The following SORCS1 variants were observed in gnomAD, a reference collection of about 807,000 sequenced individuals.
SORCS1 encodes the protein sortilin related VPS10 domain containing receptor 1, also known as VPS10 domain-containing receptor SorCS1.
A neutral mutation model predicts 146.1 loss-of-function variants in SORCS1; 60 were observed. That is an observed-to-expected ratio of 0.41 (90% CI 0.33 to 0.51). The LOEUF (loss-of-function observed/expected upper bound fraction) is 0.51. SORCS1 is among the 20% of genes least tolerant of loss of function. The pLI is 0.21. For missense variants in SORCS1, 1,352 were observed against 1,487.6 expected (o/e 0.91, Z 1.50); for synonymous variants, 637 against 584.0 (o/e 1.09, Z -1.31).
chr10:106,797,779 C>A (rs1386496319), intron 3 of SORCS1, among the ~76,000 whole-genome samples: 1 of 152,162 alleles, frequency 6.6e-6, no homozygotes, highest in Non-Finnish European at 1.5e-5. Context: ...CTTTTTCAGA[C>A]TGCATCTCTG....
the SORCS1 span, among the ~76,000 whole-genome samples, chr10:107,175,801 T>C: frequency 6.6e-6 from 1 of 152,230 alleles, no homozygotes; most frequent in Admixed American, 6.5e-5. Flanking sequence ...TCATTGCATC[T>C]GAATTTTCAA....
intron 2 of SORCS1, among the ~76,000 whole-genome samples, chr10:106,846,647 T>A (rs1949322797): frequency 6.2e-5 from 1 of 16,210 alleles, no homozygotes; most frequent in African/African-American, 2.2e-4. Context: ...AGAGAGGGCA[T>A]TCCTGTCTTG....
intron 18 of SORCS1, among the ~76,000 whole-genome samples, chr10:106,633,151 A>G (rs1848533440): frequency 6.6e-6 from 1 of 152,232 alleles, no homozygotes; most frequent in Admixed American, 6.5e-5. Context: ...AGAAGCCATT[A>G]AAGTGTTTTA....
intron 10 of SORCS1, among the ~76,000 whole-genome samples, chr10:106,684,134 G>C (rs1242272399): frequency 6.6e-6 from 1 of 152,086 alleles, no homozygotes; most frequent in Non-Finnish European, 1.5e-5. Context: ...AAGAGATCAA[G>C]ACCATCCTGG....
chr10:106,683,762 T>C (rs537172162), intron 10 of SORCS1, among the ~76,000 whole-genome samples: 1 of 152,272 alleles, frequency 6.6e-6, no homozygotes, highest in African/African-American at 2.4e-5. Context: ...TCCCAAATAG[T>C]ATCCCCAACA....
rs144380099 is a variant in SORCS1, at chr10:106,801,379, TA to T, written c.727-24688del. ...CTTTATATATTAACCATAATTGGTCTATTTTTTTTACTAATTTATAAAACAT... is the reference window on the plus strand; with the variant it reads ...CTTTATATATTAACCATAATTGGTCTTTTTTTTTACTAATTTATAAAACAT... On this transcript the variant is annotated intron_variant, in intron 3 of 25. Transcript: ENST00000263054. Among the ~76,000 whole-genome samples the T allele has an allele frequency of 9.2e-3, 1,394 of 152,232 alleles. 7 individuals carry two copies. Among genetic ancestry groups the T allele is most frequent in the Non-Finnish European group, 0.014 (973 of 68,014 alleles).
chr10:106,794,678 G>GT (rs992788220), intron 3 of SORCS1, among the ~76,000 whole-genome samples: 1 of 151,662 alleles, frequency 6.6e-6, no homozygotes, highest in Non-Finnish European at 1.5e-5. Context: ...AATTTTTCGT[G>GT]TTTTTTAGTA....
intron 3 of SORCS1, among the ~76,000 whole-genome samples, chr10:106,797,559 G>GCTCT (rs1946633642): frequency 6.6e-6 from 1 of 151,634 alleles, no homozygotes; most frequent in Non-Finnish European, 1.5e-5. Flanking sequence ...GAAAAACAGA[G>GCTCT]GGTAGAAACA....
intron 2 of SORCS1, among the ~76,000 whole-genome samples, chr10:106,952,203 G>A (rs1442394649): frequency 8.5e-5 from 13 of 152,198 alleles, no homozygotes; most frequent in Non-Finnish European, 1.5e-5. Flanking sequence ...CTAGCACCCG[G>A]TTAAAGCCTT....
intron 1 of SORCS1, among the ~76,000 whole-genome samples, chr10:106,981,780 G>A (rs1398284165): frequency 1.3e-5 from 2 of 152,152 alleles, no homozygotes; most frequent in African/African-American, 2.4e-5. Flanking sequence ...ACATTGCCAA[G>A]GAGCATATAA....
chr10:106,680,784 C>T (rs1852381107), intron 10 of SORCS1, among the ~76,000 whole-genome samples: 2 of 152,162 alleles, frequency 1.3e-5, no homozygotes, highest in Admixed American at 6.6e-5. Context: ...CTGGAATCAC[C>T]AGTGTATCTC....
chr10:107,005,453 T>G (rs976702204), intron 1 of SORCS1, among the ~76,000 whole-genome samples: 5 of 151,942 alleles, frequency 3.3e-5, no homozygotes, highest in Admixed American at 1.3e-4. Context: ...GAAATTATGG[T>G]TTTTTTTGAA....
chr10:106,834,613 A>G (rs2137060010), intron 2 of SORCS1, among the ~76,000 whole-genome samples: 1 of 152,332 alleles, frequency 6.6e-6, no homozygotes, highest in East Asian at 1.9e-4. Context: ...ATTATCTTAA[A>G]TGAAAATTGC....
chr10:106,941,047 AC>A (rs1954018298), intron 2 of SORCS1, among the ~76,000 whole-genome samples: 2 of 152,220 alleles, frequency 1.3e-5, no homozygotes, highest in South Asian at 4.1e-4. Flanking sequence ...TGTTCGGGTT[AC>A]CTCCCTATGC....
At chr10:106,675,900 A>G in intron 13 of SORCS1, among the ~76,000 whole-genome samples, 1 of 152,156 alleles carries the variant, frequency 6.6e-6, no homozygotes, top group Non-Finnish European at 1.5e-5. Context: ...AAATGGTGCT[A>G]TCTATAAACC....
chr10:106,894,596 G>A (rs530993419), intron 2 of SORCS1, among the ~76,000 whole-genome samples: 70 of 152,168 alleles, frequency 4.6e-4, no homozygotes, highest in African/African-American at 1.4e-3. Context: ...GAATAAACTC[G>A]CATAGCCAAT....
intron 1 of SORCS1, among the ~76,000 whole-genome samples, chr10:107,008,196 A>T (rs7904147): frequency 0.15 from 22,786 of 152,102 alleles, 5,608 homozygotes; most frequent in African/African-American, 0.51. Flanking sequence ...AAAATAGTAG[A>T]GTTGCCAGTA....
In SORCS1 at chr10:106,809,169, T is replaced by A. The variant is rs539673508; in HGVS notation, c.726+20405A>T. Among the ~76,000 whole-genome samples, 5 of 151,928 alleles carry A rather than the reference T, an allele frequency of 3.3e-5. No individual in the cohort carries two copies. The South Asian group carries it at 8.4e-4, about 25-fold the overall frequency. ...TTTGTTTTGTTTTTGTTTTTGTGGT[T>A]GTGGGGGGAGGGGCGAGAATGGGGA... On this transcript the variant is annotated intron_variant, in intron 3 of 25. Transcript: ENST00000263054.
At chr10:106,916,737 G>C (rs964496181) in intron 2 of SORCS1, among the ~76,000 whole-genome samples, 2 of 151,296 alleles carry the variant, frequency 1.3e-5, no homozygotes, top group Non-Finnish European at 2.9e-5. Context: ...AAAGTAGAGG[G>C]TTTACTTTCC....
Sources: gnomAD v4.1 joint callset for allele counts (sites outside exome capture counted in the v4.1 genomes callset) on GRCh38, gnomAD v4.1.1 for gene constraint, MANE v1.5 for transcripts, NCBI Gene and HGNC (gene_info 2026-07-23, HGNC 2026-07-21) for gene names.